Variants in DIPK1A observed in about 807,000 individuals in gnomAD.
DIPK1A encodes divergent protein kinase domain 1A, also known as family with sequence similarity 69 member A.
In DIPK1A, 27 loss-of-function variants were observed where a neutral mutation model predicts 40.8. The ratio of observed to expected loss-of-function variants is 0.66; its 90% CI spans 0.49 to 0.91. DIPK1A has a LOEUF of 0.91. DIPK1A is among the 40% of genes least tolerant of loss of function. The probability of loss-of-function intolerance (pLI) is 0.00; values close to 1 mark genes in which losing one functional copy is unlikely to be tolerated. For missense variants in DIPK1A, 412 were observed against 505.7 expected, an observed-to-expected ratio of 0.81 and a Z score of 1.78; for synonymous variants, 166 against 171.3, an observed-to-expected ratio of 0.97 and a Z score of 0.24.
chr1:92,930,488 A>C (rs1251906421), intron 1 of DIPK1A, among the ~76,000 whole-genome samples: 1 of 152,230 alleles, frequency 6.6e-6, no homozygotes, highest in Non-Finnish European at 1.5e-5. Flanking sequence ...TGCAGAAGAC[A>C]AAAAGAGGAA....
chr1:92,925,931 A>ATACATAATCAT, intron 1 of DIPK1A, among the ~76,000 whole-genome samples: 1 of 152,244 alleles, frequency 6.6e-6, no homozygotes, highest in Non-Finnish European at 1.5e-5. Flanking sequence ...TGAAGTTTAC[A>ATACATAATCAT]GATACATAAT....
intron 3 of DIPK1A, among the ~76,000 whole-genome samples, chr1:92,848,488 T>C (rs1302482242): frequency 6.6e-6 from 1 of 152,142 alleles, no homozygotes; most frequent in Non-Finnish European, 1.5e-5. Context: ...CTGCCTGGAA[T>C]GTACTCTCCC....
At chr1:92,906,590 T>C (rs1649632002) in intron 1 of DIPK1A, among the ~76,000 whole-genome samples, 1 of 152,058 alleles carries the variant, frequency 6.6e-6, no homozygotes, top group African/African-American at 2.4e-5. Flanking sequence ...ATAATGTATA[T>C]AATATGAATA....
chr1:92,923,103 C>T (rs1477794336), intron 1 of DIPK1A, among the ~76,000 whole-genome samples: 2 of 152,136 alleles, frequency 1.3e-5, no homozygotes, highest in Non-Finnish European at 2.9e-5. Context: ...CTTTTCATCT[C>T]AGCCTATTTG....
chr1:92,926,494 G>A (rs1398191900), intron 1 of DIPK1A, among the ~76,000 whole-genome samples: 1 of 152,104 alleles, frequency 6.6e-6, no homozygotes, highest in African/African-American at 2.4e-5. Flanking sequence ...TATTTTTTGG[G>A]TATTGGGTTC....
intron 1 of DIPK1A, among the ~76,000 whole-genome samples, chr1:92,935,372 C>T (rs1650906809): frequency 2.0e-5 from 3 of 152,060 alleles, no homozygotes; most frequent in Admixed American, 2.0e-4. Context: ...TTTTAAAGAA[C>T]TATGTATTTT....
chr1:92,839,894 G>A (rs919940055), downstream of DIPK1A, among the ~76,000 whole-genome samples: 3 of 151,598 alleles, frequency 2.0e-5, no homozygotes, highest in African/African-American at 7.3e-5. Context: ...GGGCTGGGGT[G>A]CAATGGCACA....
At chr1:92,860,249 G>A (rs547712044) in intron 2 of DIPK1A, among the ~76,000 whole-genome samples, 1 of 152,214 alleles carries the variant, frequency 6.6e-6, no homozygotes, top group South Asian at 2.1e-4. Context: ...TGCACGGAGG[G>A]CTGATGAAAA....
chr1:92,875,059 T>C (rs1027969729), intron 2 of DIPK1A, among the ~76,000 whole-genome samples: 1 of 152,188 alleles, frequency 6.6e-6, no homozygotes, highest in Non-Finnish European at 1.5e-5. Context: ...TAAAAGACTG[T>C]AACACTCCTG....
At chr1:92,839,050 T>C (rs180891182), downstream of DIPK1A, among the ~76,000 whole-genome samples, 3,138 of 150,036 alleles carry the variant, frequency 0.021, 46 homozygotes, top group Non-Finnish European at 0.027. Flanking sequence ...TTTTTTTTTT[T>C]CAGTGAGTTT....
chr1:92,837,202 T>G (rs1245178275), downstream of DIPK1A: 13 of 639,092 alleles, frequency 2.0e-5, no homozygotes, highest in African/African-American at 3.6e-5. Context: ...GATGACTAAT[T>G]TTGTAGTGGT....
At chr1:92,844,974 T>C (rs1253519076) in intron 4 of DIPK1A, among the ~76,000 whole-genome samples, 1 of 134,272 alleles carries the variant, frequency 7.4e-6, no homozygotes, top group African/African-American at 2.8e-5. Flanking sequence ...AGACGGAGTC[T>C]CGCTCTTTCG....
intron 1 of DIPK1A, among the ~76,000 whole-genome samples, chr1:92,950,574 G>A (rs1206206804): frequency 6.6e-6 from 1 of 152,218 alleles, no homozygotes; most frequent in Non-Finnish European, 1.5e-5. Context: ...AACAGCAGAA[G>A]AATGAAGATG....
intron 2 of DIPK1A, among the ~76,000 whole-genome samples, chr1:92,857,447 G>A (rs1338876211): frequency 1.3e-5 from 2 of 150,774 alleles, no homozygotes; most frequent in Non-Finnish European, 1.5e-5. Context: ...TCAGTCTCCC[G>A]AATAGCTAGG....
chr1:92,835,396 T>C lies in DIPK1A; in HGVS notation c.475-2362A>G, dbSNP rs1395855008. 9 of 209,968 alleles carry C rather than the reference T, an allele frequency of 4.3e-5. No homozygotes were observed. The East Asian group carries it at 4.7e-4, about 11-fold the overall frequency. 13.0% of individuals were successfully genotyped at this position (209,968 alleles called of 1,614,324 possible). A position where few individuals can be genotyped will look rare whatever the true frequency, so the allele number is the denominator to read the frequency against. On this transcript the variant is annotated intron_variant, in intron 4 of 4. Transcript: ENST00000615519. ...GGCTAGGCGCGGTGGCTCACACTTA[T>C]AATCCCAGCACTTTGGGAGGCCGAG...
intron 1 of DIPK1A, among the ~76,000 whole-genome samples, chr1:92,895,970 G>C (rs1649146334): frequency 6.6e-6 from 1 of 152,046 alleles, no homozygotes; most frequent in Non-Finnish European, 1.5e-5. Context: ...CCTCTTCAAG[G>C]AGAATTACAA....
chr1:92,905,153 C>A (rs1649567073), intron 1 of DIPK1A, among the ~76,000 whole-genome samples: 1 of 152,134 alleles, frequency 6.6e-6, no homozygotes, highest in African/African-American at 2.4e-5. Flanking sequence ...TAATTCCTTT[C>A]TTTTGGGTGT....
intron 1 of DIPK1A, among the ~76,000 whole-genome samples, chr1:92,888,745 T>C (rs1418411074): frequency 6.6e-6 from 1 of 152,230 alleles, no homozygotes; most frequent in Non-Finnish European, 1.5e-5. Flanking sequence ...AGATATCTCA[T>C]TGTGGATTTT....
At chr1:92,959,091 G>A (rs1243081025) in intron 1 of DIPK1A, among the ~76,000 whole-genome samples, 1 of 152,120 alleles carries the variant, frequency 6.6e-6, no homozygotes, top group Non-Finnish European at 1.5e-5. Context: ...TTTGAGACTA[G>A]CCTGGGCAAC....
Sources: gnomAD v4.1 joint callset for allele counts (sites outside exome capture counted in the v4.1 genomes callset) on GRCh38, gnomAD v4.1.1 for gene constraint, MANE v1.5 for transcripts, NCBI Gene and HGNC (gene_info 2026-07-23, HGNC 2026-07-21) for gene names.